Variants in GRM3 observed in about 807,000 individuals in gnomAD.
GRM3 encodes metabotropic glutamate receptor 3.
Under a neutral mutation model 70.5 loss-of-function variants are expected in GRM3, and 26 were observed. The observed-to-expected ratio is 0.37, with a 90% CI of 0.27 to 0.51. GRM3 has a LOEUF of 0.51. GRM3 is among the 20% of genes least tolerant of loss of function. The probability of loss-of-function intolerance (pLI) is 0.93; values close to 1 mark genes in which losing one functional copy is unlikely to be tolerated. For missense variants in GRM3, 859 were observed against 1,123.8 expected (o/e 0.76, Z 3.37); for synonymous variants, 443 against 434.9 (o/e 1.02, Z -0.23).
chr7:86,669,515 T>G (rs1042666939), intron 1 of GRM3, among the ~76,000 whole-genome samples: 3 of 152,184 alleles, frequency 2.0e-5, no homozygotes, highest in African/African-American at 7.2e-5. Context: ...TTTTTCAATG[T>G]TTTCCTATAT....
Position 86,788,877 on chromosome 7 carries a change from A to T in GRM3, c.1324+1761A>T, listed in dbSNP as rs566583872. 2.2e-3 allele frequency among the ~76,000 whole-genome samples: 342 copies of T among 152,320 alleles called. 1 individual carries two copies. Among genetic ancestry groups the T allele is most frequent in the African/African-American group, 7.7e-3 (321 of 41,568 alleles). ...GTTCCTTTCTTACTTTTTAGTATGC[A>T]AATATACAAATATATTCACTCATCA... On this transcript the variant is annotated intron_variant, in intron 3 of 5. Coordinates refer to ENST00000361669, the MANE Select transcript of GRM3 (RefSeq NM_000840.3).
intron 1 of GRM3, among the ~76,000 whole-genome samples, chr7:86,728,831 G>T (rs1795653443): frequency 6.6e-6 from 1 of 152,164 alleles, no homozygotes; most frequent in South Asian, 2.1e-4. Context: ...CTCTCACAGT[G>T]AAATCAGTGG....
intron 3 of GRM3, among the ~76,000 whole-genome samples, chr7:86,836,843 G>A (rs1461823132): frequency 6.6e-6 from 1 of 152,180 alleles, no homozygotes; most frequent in Non-Finnish European, 1.5e-5. Flanking sequence ...TTAGGAAACA[G>A]AGTCAGAAAG....
chr7:86,744,176 C>T (rs546110725), intron 1 of GRM3, among the ~76,000 whole-genome samples: 56 of 152,122 alleles, frequency 3.7e-4, no homozygotes, highest in African/African-American at 1.2e-3. Flanking sequence ...CAGCATAACT[C>T]ACACTCCCCT....
intron 1 of GRM3, among the ~76,000 whole-genome samples, chr7:86,726,077 G>A (rs1795587922): frequency 6.6e-6 from 1 of 152,292 alleles, no homozygotes. Flanking sequence ...AGTTGTGCTA[G>A]AGTGACATTG....
intron 1 of GRM3, among the ~76,000 whole-genome samples, chr7:86,700,857 T>A (rs1345128593): frequency 6.6e-6 from 1 of 151,984 alleles, no homozygotes; most frequent in Non-Finnish European, 1.5e-5. Context: ...GATAGACTTA[T>A]AAGCATTCAA....
At chr7:86,720,193 T>C (rs915823500) in intron 1 of GRM3, among the ~76,000 whole-genome samples, 5 of 151,888 alleles carry the variant, frequency 3.3e-5, no homozygotes, top group African/African-American at 1.2e-4. Context: ...ACCTTGGTAA[T>C]TGAATGTGAG....
chr7:86,753,596 G>A (rs149499849), intron 1 of GRM3, among the ~76,000 whole-genome samples: 95 of 151,948 alleles, frequency 6.3e-4, no homozygotes, highest in Non-Finnish European at 1.3e-3. Flanking sequence ...TATATTTTAA[G>A]CTCTTCTATT....
At chr7:86,668,213 C>T (rs575198078) in intron 1 of GRM3, among the ~76,000 whole-genome samples, 1 of 152,164 alleles carries the variant, frequency 6.6e-6, no homozygotes, top group Admixed American at 6.6e-5. Flanking sequence ...TTCTCCTTAG[C>T]CTGCCGTGCT....
chr7:86,654,992 A>G (rs1408912309), intron 1 of GRM3, among the ~76,000 whole-genome samples: 2 of 152,246 alleles, frequency 1.3e-5, no homozygotes, highest in Non-Finnish European at 2.9e-5. Context: ...TTGCCACCAG[A>G]TTAAACTTGA....
At chr7:86,830,182 C>T (rs770267423) in intron 3 of GRM3, among the ~76,000 whole-genome samples, 3 of 152,088 alleles carry the variant, frequency 2.0e-5, no homozygotes, top group Non-Finnish European at 4.4e-5. Context: ...ACCAAAAATG[C>T]CATGAAGTTA....
intron 1 of GRM3, among the ~76,000 whole-genome samples, chr7:86,708,436 T>C (rs563059046): frequency 6.6e-6 from 1 of 152,298 alleles, no homozygotes; most frequent in South Asian, 2.1e-4. Context: ...TCCATGAATG[T>C]CTTCACAGAA....
At chr7:86,769,442 A>G (rs1156321612) in intron 2 of GRM3, among the ~76,000 whole-genome samples, 1 of 152,092 alleles carries the variant, frequency 6.6e-6, no homozygotes, top group Non-Finnish European at 1.5e-5. Flanking sequence ...CATTTTGTGC[A>G]TCTTCCCTTT....
chr7:86,691,835 C>T (rs573105904), intron 1 of GRM3, among the ~76,000 whole-genome samples: 73 of 152,218 alleles, frequency 4.8e-4, no homozygotes, highest in Non-Finnish European at 8.4e-4. Flanking sequence ...TCCCAGCCTC[C>T]AGAACTGTGA....
chr7:86,733,777 G>T (rs567729100), intron 1 of GRM3, among the ~76,000 whole-genome samples: 2 of 152,094 alleles, frequency 1.3e-5, no homozygotes, highest in Non-Finnish European at 2.9e-5. Context: ...GGGCACAAGC[G>T]AGCCTAGGTG....
At chr7:86,863,212 A>G (rs1798992482) in intron 5 of GRM3, among the ~76,000 whole-genome samples, 1 of 152,176 alleles carries the variant, frequency 6.6e-6, no homozygotes, top group African/African-American at 2.4e-5. Context: ...TGAAATATAT[A>G]TAACTTATCT....
chr7:86,649,681 A>C (rs1793561015), intron 1 of GRM3, among the ~76,000 whole-genome samples: 1 of 152,166 alleles, frequency 6.6e-6, no homozygotes, highest in Non-Finnish European at 1.5e-5. Context: ...CTAGATACAT[A>C]GTTTGAAAAA....
At chr7:86,666,412 CAT>C (rs2115873088) in intron 1 of GRM3, among the ~76,000 whole-genome samples, 1 of 152,104 alleles carries the variant, frequency 6.6e-6, no homozygotes, top group East Asian at 1.9e-4. Context: ...TTAAAGGTAA[CAT>C]AGTCTTTTAG....
At chr7:86,771,173 C>G (rs1796730032) in intron 2 of GRM3, among the ~76,000 whole-genome samples, 1 of 151,964 alleles carries the variant, frequency 6.6e-6, no homozygotes, top group African/African-American at 2.4e-5. Flanking sequence ...CAAAAGTTGG[C>G]CTGTTACTGA....
Sources: gnomAD v4.1 joint callset for allele counts (sites outside exome capture counted in the v4.1 genomes callset) on GRCh38, gnomAD v4.1.1 for gene constraint, MANE v1.5 for transcripts, NCBI Gene and HGNC (gene_info 2026-07-23, HGNC 2026-07-21) for gene names.